CAST: variants seen among roughly 807,000 people sequenced by gnomAD.
The protein encoded by CAST is calpastatin.
A neutral mutation model predicts 119.6 loss-of-function variants in CAST; 76 were observed. The ratio of observed to expected loss-of-function variants is 0.64; its 90% CI spans 0.53 to 0.77. CAST has a LOEUF of 0.77. Among genes scored for constraint, CAST ranks in the 30% least tolerant of loss-of-function variants. CAST has a pLI of 0.00. For missense variants in CAST, 953 were observed against 946.5 expected (o/e 1.01, Z -0.09); for synonymous variants, 319 against 331.6 (o/e 0.96, Z 0.41).
chr5:96,563,675 T>C (rs1301566871), intron 1 of CAST, among the ~76,000 whole-genome samples: 1 of 152,198 alleles, frequency 6.6e-6, no homozygotes, highest in Non-Finnish European at 1.5e-5. Flanking sequence ...TCTTTATTTT[T>C]AAAAATCTAA....
chr5:96,541,715 A>T (rs1210468700), intron 1 of CAST, among the ~76,000 whole-genome samples: 1 of 152,232 alleles, frequency 6.6e-6, no homozygotes, highest in Non-Finnish European at 1.5e-5. Flanking sequence ...TTGAAATTAC[A>T]CAGTATATAG....
At chr5:96,068,593 ATGTGTGTGTGTGTGTGTG>A in the CAST span, among the ~76,000 whole-genome samples, 1 of 142,182 alleles carries the variant, frequency 7.0e-6, no homozygotes, top group Non-Finnish European at 1.5e-5. Flanking sequence ...CAATAGGATT[ATGTGTGTGTGTGTGTGTG>A]TGTGTGTGTG....
chr5:96,638,942 C>T (rs1747917947), intron 1 of CAST, among the ~76,000 whole-genome samples: 1 of 152,198 alleles, frequency 6.6e-6, no homozygotes, highest in African/African-American at 2.4e-5. Context: ...CAAAGAGAGA[C>T]AGCCTGCCTC....
intron 2 of CAST, among the ~76,000 whole-genome samples, chr5:96,676,201 C>T (rs1294708464): frequency 6.6e-6 from 1 of 152,108 alleles, no homozygotes; most frequent in Non-Finnish European, 1.5e-5. Flanking sequence ...TCTGCCCTTC[C>T]AAAGGATACA....
chr5:96,519,047 C>A, the CAST span, among the ~76,000 whole-genome samples: 6 of 151,780 alleles, frequency 4.0e-5, no homozygotes, highest in Non-Finnish European at 8.8e-5. Context: ...GGTGACAGAG[C>A]GAAACTGTCT....
chr5:96,627,554 T>C (rs1349957739), intron 1 of CAST, among the ~76,000 whole-genome samples: 4 of 152,172 alleles, frequency 2.6e-5, no homozygotes, highest in African/African-American at 9.7e-5. Flanking sequence ...AAATTTGGGA[T>C]CCACCTTGTG....
At chr5:96,633,402 T>C (rs1455201873) in intron 1 of CAST, among the ~76,000 whole-genome samples, 2 of 152,250 alleles carry the variant, frequency 1.3e-5, no homozygotes, top group Non-Finnish European at 2.9e-5. Context: ...TTTTGTAGTT[T>C]TCAGTGTATA....
the CAST span, among the ~76,000 whole-genome samples, chr5:96,406,806 A>T: frequency 1.3e-5 from 2 of 152,266 alleles, no homozygotes; most frequent in Non-Finnish European, 2.9e-5. Flanking sequence ...GAAGGATAAT[A>T]GTAATTTACA....
chr5:96,328,348 A>C, the CAST span, among the ~76,000 whole-genome samples: 1 of 149,692 alleles, frequency 6.7e-6, no homozygotes, highest in Non-Finnish European at 1.5e-5. Flanking sequence ...CAATGAATTT[A>C]GCTTGCTTTT....
chr5:96,306,744 T>C, the CAST span, among the ~76,000 whole-genome samples: 411 of 152,342 alleles, frequency 2.7e-3, 3 homozygotes, highest in Admixed American at 6.6e-3. Flanking sequence ...TCAGTTTTTA[T>C]GTAATTGTGT....
chr5:96,238,344 TTCA>T, the CAST span, among the ~76,000 whole-genome samples: 1,540 of 129,686 alleles, frequency 0.012, 37 homozygotes, highest in African/African-American at 0.045. Flanking sequence ...CTTCTTCTTC[TTCA>T]TCTTCATCTT....
At chr5:96,620,765 C>T (rs1040476625) in intron 1 of CAST, among the ~76,000 whole-genome samples, 1 of 152,158 alleles carries the variant, frequency 6.6e-6, no homozygotes. Context: ...AGCCCAAATG[C>T]TTAAATGTAT....
At chr5:96,568,635 A>C (rs1254806032) in intron 1 of CAST, among the ~76,000 whole-genome samples, 2 of 151,766 alleles carry the variant, frequency 1.3e-5, no homozygotes, top group South Asian at 4.2e-4. Context: ...AGGGAGTTTA[A>C]GAATATTCTG....
chr5:96,551,250 G>A (rs1746120753), intron 1 of CAST, among the ~76,000 whole-genome samples: 1 of 152,192 alleles, frequency 6.6e-6, no homozygotes, highest in Non-Finnish European at 1.5e-5. Context: ...AGAAGAGAGT[G>A]GGGGCCAATA....
At chr5:96,176,597 G>T in the CAST span, among the ~76,000 whole-genome samples, 1 of 152,152 alleles carries the variant, frequency 6.6e-6, no homozygotes, top group Non-Finnish European at 1.5e-5. Context: ...AGAAGTCACA[G>T]GTTAACACCA....
At chr5:96,396,934 T>C in the CAST span, among the ~76,000 whole-genome samples, 1 of 152,248 alleles carries the variant, frequency 6.6e-6, no homozygotes, top group Non-Finnish European at 1.5e-5. Context: ...TGCAGAATAA[T>C]CATAAGCATG....
the CAST span, among the ~76,000 whole-genome samples, chr5:96,270,261 T>G: frequency 6.6e-6 from 1 of 152,132 alleles, no homozygotes; most frequent in Non-Finnish European, 1.5e-5. Flanking sequence ...AAAGGTCATA[T>G]ATGACAAACT....
chr5:96,371,824 A>C, the CAST span, among the ~76,000 whole-genome samples: 2 of 152,168 alleles, frequency 1.3e-5, no homozygotes, highest in Non-Finnish European at 2.9e-5. Context: ...CCAAAGACAA[A>C]CAGAAGAAAA....
Position 96,619,871 on chromosome 5 carries a change from A to G in CAST, c.61-55668A>G, listed in dbSNP as rs369487081. On this transcript the variant is annotated intron_variant, in intron 1 of 11. Coordinates refer to the CAST transcript ENST00000505143. ...GAAACTCCTCAGTCTTAGGCAAGCC[A>G]GTATGGTGGGTTACCTGACTTGAAT... 2.6e-5 allele frequency among the ~76,000 whole-genome samples: 4 copies of G among 152,240 alleles called. No individual in the cohort carries two copies. The East Asian group carries it at 5.8e-4, about 22-fold the overall frequency.
Sources: allele counts gnomAD v4.1 joint callset (sites outside exome capture counted in the v4.1 genomes callset), GRCh38; gene constraint gnomAD v4.1.1; transcripts MANE v1.5; gene names NCBI Gene and HGNC (gene_info 2026-07-23, HGNC 2026-07-21).